GSE1: variants seen among roughly 807,000 people sequenced by gnomAD.
The protein encoded by GSE1 is genetic suppressor element 1.
In GSE1, 32 loss-of-function variants were observed where a neutral mutation model predicts 112.6. The observed-to-expected ratio is 0.28, with a 90% CI of 0.21 to 0.38. The LOEUF (loss-of-function observed/expected upper bound fraction) is 0.38. Among genes scored for constraint, GSE1 ranks in the 10% least tolerant of loss-of-function variants. The pLI, the probability that GSE1 is intolerant of heterozygous loss-of-function variation, is 1.00. For synonymous variants in GSE1, 1,115 were observed against 735.6 expected (o/e 1.52, Z -8.35); for missense variants, 2,348 against 1,699.2 (o/e 1.38, Z -6.71).
intron 1 of GSE1, among the ~76,000 whole-genome samples, chr16:85,318,605 A>G (rs902833989): frequency 6.6e-6 from 1 of 152,162 alleles, no homozygotes; most frequent in Non-Finnish European, 1.5e-5. Flanking sequence ...TGGGAACTAA[A>G]TGAGTGATTT....
At chr16:85,598,742 T>C (rs1270521460) in intron 1 of GSE1, among the ~76,000 whole-genome samples, 2 of 152,248 alleles carry the variant, frequency 1.3e-5, no homozygotes, top group South Asian at 2.1e-4. Context: ...GAGGGCTGGC[T>C]TGGCTGCTCG....
intron 1 of GSE1, among the ~76,000 whole-genome samples, chr16:85,277,561 T>A (rs1909491784): frequency 2.0e-5 from 3 of 152,102 alleles, no homozygotes; most frequent in Non-Finnish European, 2.9e-5. Context: ...TGATGCTGGG[T>A]CAGGGCATCA....
intron 2 of GSE1, among the ~76,000 whole-genome samples, chr16:85,506,089 C>T (rs1201956668): frequency 6.6e-6 from 1 of 152,176 alleles, no homozygotes; most frequent in Non-Finnish European, 1.5e-5. Flanking sequence ...CACCCACCCC[C>T]GGGGAGGTGA....
At chr16:85,209,715 G>A (rs759937258) in intron 1 of GSE1, among the ~76,000 whole-genome samples, 14 of 152,208 alleles carry the variant, frequency 9.2e-5, no homozygotes, top group Non-Finnish European at 1.6e-4. Flanking sequence ...ACGTGATCCC[G>A]AGGCTGGGAG....
intron 1 of GSE1, among the ~76,000 whole-genome samples, chr16:85,180,854 G>T (rs1282598463): frequency 6.6e-6 from 1 of 152,208 alleles, no homozygotes; most frequent in South Asian, 2.1e-4. Flanking sequence ...ACGAAGTGGC[G>T]AATGTAGAAA....
intron 2 of GSE1, among the ~76,000 whole-genome samples, chr16:85,479,096 A>G (rs991838374): frequency 2.9e-5 from 4 of 136,564 alleles, no homozygotes; most frequent in African/African-American, 5.7e-5. Context: ...ATCTCGGCTC[A>G]TTGCAAACTC....
intron 1 of GSE1, among the ~76,000 whole-genome samples, chr16:85,198,330 A>G (rs1357929117): frequency 6.6e-6 from 1 of 152,232 alleles, no homozygotes; most frequent in Non-Finnish European, 1.5e-5. Context: ...GGATGAGAGC[A>G]GCTGGCAAAG....
At chr16:85,485,970 C>T (rs1228156188) in intron 2 of GSE1, among the ~76,000 whole-genome samples, 1 of 152,228 alleles carries the variant, frequency 6.6e-6, no homozygotes, top group Non-Finnish European at 1.5e-5. Context: ...TGCCTCTCCT[C>T]CATAGGGGCC....
At chr16:85,555,796 T>C (rs1424993814), upstream of GSE1, 13 of 973,262 alleles carry the variant, frequency 1.3e-5, no homozygotes, top group Non-Finnish European at 1.6e-5. Flanking sequence ...TCGCACGTCC[T>C]GGGGGCTGTT....
intron 2 of GSE1, among the ~76,000 whole-genome samples, chr16:85,426,633 A>G (rs2048998161): frequency 6.8e-6 from 1 of 147,096 alleles, no homozygotes; most frequent in South Asian, 2.3e-4. Context: ...AGATGTAGGT[A>G]GATGGGTAGG....
intron 2 of GSE1, among the ~76,000 whole-genome samples, chr16:85,643,460 C>G (rs1057336691): frequency 6.6e-6 from 1 of 152,072 alleles, no homozygotes; most frequent in Non-Finnish European, 1.5e-5. Context: ...CAGAGAAGCT[C>G]CCCACCCTTC....
At chr16:85,662,011 C>A (rs370143076) in intron 9 of GSE1, among the ~76,000 whole-genome samples, 1 of 152,198 alleles carries the variant, frequency 6.6e-6, no homozygotes, top group Non-Finnish European at 1.5e-5. Context: ...AATCAAAGCC[C>A]GCCTGTGAAG....
intron 2 of GSE1, among the ~76,000 whole-genome samples, chr16:85,468,283 C>G (rs2050181318): frequency 6.6e-6 from 1 of 151,074 alleles, no homozygotes; most frequent in South Asian, 2.1e-4. Context: ...AAGGGCTGGA[C>G]CAGCTTCTTC....
rs769717850 is a variant in GSE1, at chr16:85,674,002, C to G, written c.*1463C>G. 1 of 152,232 alleles carries G rather than the reference C, an allele frequency of 6.6e-6. No individual in the cohort carries two copies. The highest frequency in any genetic ancestry group is 1.5e-5 in the Non-Finnish European group (1 of 68,080). 9.4% of individuals were successfully genotyped at this position (152,232 alleles called of 1,614,324 possible). On this transcript the variant is annotated 3_prime_UTR_variant, in exon 16 of 16. Coordinates refer to ENST00000253458, the MANE Select transcript of GSE1 (RefSeq NM_014615.5). ...CGGTCAGAAACTGGGCTCATCACAC[C>G]AAGGCAAAGCAACGGGCGAGTCTTC...
chr16:85,254,190 A>G (rs1162130469), intron 1 of GSE1, among the ~76,000 whole-genome samples: 1 of 152,172 alleles, frequency 6.6e-6, no homozygotes, highest in Non-Finnish European at 1.5e-5. Context: ...ACTCTGGTGC[A>G]CAGAGAGGTC....
chr16:85,653,757 TC>T (rs1000211423), intron 3 of GSE1, among the ~76,000 whole-genome samples: 1 of 152,100 alleles, frequency 6.6e-6, no homozygotes, highest in African/African-American at 2.4e-5. Flanking sequence ...AGTGCCAGCT[TC>T]CTTTGCCCCT....
At chr16:85,601,486 A>G (rs113576332) in intron 1 of GSE1, among the ~76,000 whole-genome samples, 2,799 of 152,158 alleles carry the variant, frequency 0.018, 86 homozygotes, top group African/African-American at 0.061. Flanking sequence ...GCTCTCTGGC[A>G]AGAGGCAGAG....
At chr16:85,379,169 GC>G (rs1274725780) in intron 2 of GSE1, among the ~76,000 whole-genome samples, 3 of 152,162 alleles carry the variant, frequency 2.0e-5, no homozygotes, top group African/African-American at 7.2e-5. Context: ...CTCGATGGCT[GC>G]CCCTCCCTGG....
At chr16:85,169,573 G>T (rs1382548440) in exon 1 of GSE1, 1 of 981,058 alleles carries the variant, frequency 1.0e-6, no homozygotes, top group Admixed American at 6.3e-5. Flanking sequence ...GCTCATGGCA[G>T]CCGTGGGCGA....
Sources: allele counts gnomAD v4.1 joint callset (sites outside exome capture counted in the v4.1 genomes callset), GRCh38; gene constraint gnomAD v4.1.1; transcripts MANE v1.5; gene names NCBI Gene and HGNC (gene_info 2026-07-23, HGNC 2026-07-21).